The following PKHD1 variants were observed in gnomAD, a reference collection of about 807,000 sequenced individuals.
PKHD1 encodes fibrocystin.
PKHD1 carries 291 observed loss-of-function variants against 412.0 expected under a neutral mutation model. The observed-to-expected ratio is 0.71, with a 90% confidence interval of 0.64 to 0.78. The LOEUF (loss-of-function observed/expected upper bound fraction) is 0.78, where lower values mean the gene tolerates loss of function less well. Among genes scored for constraint, PKHD1 ranks in the 30% least tolerant of loss-of-function variants. PKHD1 has a pLI of 0.00. For missense variants in PKHD1, 4,825 were observed against 4,950.7 expected, an observed-to-expected ratio of 0.97 and a Z score of 0.76; for synonymous variants, 1,777 against 1,821.5, an observed-to-expected ratio of 0.98 and a Z score of 0.62.
intron 35 of PKHD1, among the ~76,000 whole-genome samples, chr6:51,960,772 A>G (rs919165629): frequency 6.6e-6 from 1 of 152,136 alleles, no homozygotes; most frequent in African/African-American, 2.4e-5. Flanking sequence ...AAGAAGCCAG[A>G]AAAGGAAGCA....
intron 51 of PKHD1, among the ~76,000 whole-genome samples, chr6:51,832,542 G>A (rs1277031581): frequency 6.6e-6 from 1 of 152,040 alleles, no homozygotes; most frequent in African/African-American, 2.4e-5. Flanking sequence ...AGACAGAAGT[G>A]GATGAATAGT....
chr6:51,830,714 A>AC (rs886851016), intron 52 of PKHD1, 147 bp downstream of exon 52: 42 of 731,526 alleles, frequency 5.7e-5, no homozygotes, highest in African/African-American at 3.9e-4. Context: ...TCCTACATTA[A>AC]CCCCCCCAAA....
At chr6:52,051,528 C>A (rs1448194058) in intron 21 of PKHD1, among the ~76,000 whole-genome samples, 1 of 152,128 alleles carries the variant, frequency 6.6e-6, no homozygotes, top group Non-Finnish European at 1.5e-5. Context: ...GTATGCTACC[C>A]CCATCTTCCC....
intron 49 of PKHD1, among the ~76,000 whole-genome samples, chr6:51,852,788 G>A (rs1370673591): frequency 7.3e-6 from 1 of 137,822 alleles, no homozygotes; most frequent in African/African-American, 2.7e-5. Flanking sequence ...CCTTTATTTT[G>A]AGCCTGTGTG....
chr6:51,848,096 C>T, intron 49 of PKHD1, 126 bp from the exon 50 acceptor site: 1 of 704,288 alleles, frequency 1.4e-6, no homozygotes, highest in Non-Finnish European at 2.6e-6. Flanking sequence ...AGAAATCATA[C>T]AATTTAGACC....
intron 6 of PKHD1, among the ~76,000 whole-genome samples, chr6:52,074,465 A>G (rs945215187): frequency 6.6e-6 from 1 of 152,234 alleles, no homozygotes; most frequent in Admixed American, 6.5e-5. Context: ...GCTAAAAAAA[A>G]TCTGGCAGAA....
At chr6:51,849,021 C>T (rs1371188824) in intron 49 of PKHD1, among the ~76,000 whole-genome samples, 1 of 150,600 alleles carries the variant, frequency 6.6e-6, no homozygotes, top group Non-Finnish European at 1.5e-5. Context: ...TTTGCTGCAC[C>T]TATTGACCCA....
chr6:51,721,566 A>G (rs1023723000), intron 60 of PKHD1: 41 of 999,942 alleles, frequency 4.1e-5, no homozygotes, highest in East Asian at 1.0e-4. Flanking sequence ...AACACCACCA[A>G]TTTAATATCT....
intron 50 of PKHD1, among the ~76,000 whole-genome samples, chr6:51,843,434 G>A (rs565558645): frequency 9.2e-5 from 14 of 152,206 alleles, no homozygotes; most frequent in East Asian, 1.9e-4. Context: ...ATTTCATAGC[G>A]TTAATGTAAC....
At chr6:51,701,426 A>T (rs1398525791) in intron 60 of PKHD1, among the ~76,000 whole-genome samples, 2 of 152,112 alleles carry the variant, frequency 1.3e-5, no homozygotes, top group Non-Finnish European at 2.9e-5. Flanking sequence ...AAAGATTCTG[A>T]CATTTATTTC....
chr6:51,729,975 C>T (rs563855278), intron 60 of PKHD1, among the ~76,000 whole-genome samples: 1 of 152,312 alleles, frequency 6.6e-6, no homozygotes, highest in East Asian at 1.9e-4. Flanking sequence ...AGTGCAAGAA[C>T]TCTTAACCTG....
At chr6:52,036,755 A>C (rs1366607936) in intron 27 of PKHD1, among the ~76,000 whole-genome samples, 1 of 152,236 alleles carries the variant, frequency 6.6e-6, no homozygotes, top group Non-Finnish European at 1.5e-5. Context: ...AAGATAAAAA[A>C]ATTGAAAAAA....
At chr6:52,043,581 G>T in intron 26 of PKHD1, 44 bp downstream of exon 26, 2 of 1,365,962 alleles carry the variant, frequency 1.5e-6, no homozygotes, top group Non-Finnish European at 2.1e-6. Context: ...ATCACTGCAA[G>T]TCTCCGGCTT....
chr6:51,829,261 TGAA>T (rs1767842006), intron 52 of PKHD1, among the ~76,000 whole-genome samples: 1 of 151,388 alleles, frequency 6.6e-6, no homozygotes, highest in Non-Finnish European at 1.5e-5. Context: ...GACAAAGGAA[TGAA>T]GAATAGTGGA....
At chr6:51,754,723 G>C (rs1562238891) in intron 56 of PKHD1, 61 bp downstream of exon 56, 1 of 1,461,706 alleles carries the variant, frequency 6.8e-7, no homozygotes, top group African/African-American at 1.4e-5. Context: ...CCCCAGCTAG[G>C]TTACCAAACA....
chr6:51,698,005 T>A (rs567832526), intron 60 of PKHD1, among the ~76,000 whole-genome samples: 5 of 152,206 alleles, frequency 3.3e-5, no homozygotes, highest in Non-Finnish European at 5.9e-5. Context: ...TATTAGCCAA[T>A]TAAATCATCC....
At chr6:52,028,455 C>T (rs1802557731) in intron 29 of PKHD1, 104 bp from the exon 30 acceptor site, 2 of 1,036,846 alleles carry the variant, frequency 1.9e-6, no homozygotes, top group Non-Finnish European at 3.0e-6. Context: ...ACAGTCACCC[C>T]TATGCATAAT....
At chr6:51,722,770 A>G (rs1782086944) in intron 60 of PKHD1, among the ~76,000 whole-genome samples, 2 of 152,212 alleles carry the variant, frequency 1.3e-5, no homozygotes, top group African/African-American at 2.4e-5. Context: ...AACCATTCTA[A>G]GTAAAATGTA....
chr6:51,866,997 T>C (rs1341542420), intron 48 of PKHD1, among the ~76,000 whole-genome samples: 1 of 152,164 alleles, frequency 6.6e-6, no homozygotes, highest in African/African-American at 2.4e-5. Flanking sequence ...TAAAACAGAA[T>C]GCCAAAGCAC....
Sources: allele counts gnomAD v4.1 joint callset (sites outside exome capture counted in the v4.1 genomes callset), GRCh38; gene constraint gnomAD v4.1.1; transcripts MANE v1.5; gene names NCBI Gene and HGNC (gene_info 2026-07-23, HGNC 2026-07-21).